Variants in NRXN1 observed in about 807,000 individuals in gnomAD.
NRXN1 encodes the protein neurexin-1.
In NRXN1, 39 loss-of-function variants were observed where a neutral mutation model predicts 150.9. That is an observed-to-expected ratio of 0.26 (90% confidence interval 0.20 to 0.34). The LOEUF (loss-of-function observed/expected upper bound fraction) is 0.34. NRXN1 is among the 10% of genes least tolerant of loss of function. The pLI, the probability that NRXN1 is intolerant of heterozygous loss-of-function variation, is 1.00. For missense variants in NRXN1, 1,815 were observed against 1,949.9 expected (o/e 0.93, Z 1.30); for synonymous variants, 924 against 757.0 (o/e 1.22, Z -3.62).
At chr2:50,401,244 A>C (rs2082371505) in intron 17 of NRXN1, among the ~76,000 whole-genome samples, 1 of 152,168 alleles carries the variant, frequency 6.6e-6, no homozygotes, top group South Asian at 2.1e-4. Flanking sequence ...AATATTTTAA[A>C]ATCTATACCT....
At chr2:50,453,655 G>T (rs1295830194) in intron 17 of NRXN1, among the ~76,000 whole-genome samples, 1 of 152,066 alleles carries the variant, frequency 6.6e-6, no homozygotes, top group East Asian at 1.9e-4. Context: ...AATACGGAAA[G>T]AAAAATCACC....
At position 49,969,408 on chromosome 2, in the gene NRXN1, C is replaced by T. The variant is rs576975560; in HGVS notation, c.4129-25617G>A. On this transcript the variant is annotated intron_variant, in intron 21 of 22. Transcript: ENST00000401669. ...TACATGGAAAATTGAGAATTGACTC[C>T]CAAGGCTGTACATATGCAACTTCTA... 2.0e-5 allele frequency among the ~76,000 whole-genome samples: 3 copies of T among 151,856 alleles called. No homozygotes were observed. In the East Asian group the frequency reaches 5.8e-4, roughly 29 times the overall value.
intron 17 of NRXN1, among the ~76,000 whole-genome samples, chr2:50,239,708 A>G (rs1232119739): frequency 1.1e-5 from 1 of 93,822 alleles, no homozygotes; most frequent in African/African-American, 4.3e-5. Flanking sequence ...ATATATATAT[A>G]TATATATTTA....
At chr2:50,704,842 A>G (rs1282322602) in intron 5 of NRXN1, among the ~76,000 whole-genome samples, 6 of 151,912 alleles carry the variant, frequency 3.9e-5, no homozygotes, top group Admixed American at 6.6e-5. Flanking sequence ...AATAATATAT[A>G]ATATTACAAT....
At chr2:50,913,391 T>C (rs1005664151) in intron 5 of NRXN1, among the ~76,000 whole-genome samples, 1 of 151,726 alleles carries the variant, frequency 6.6e-6, no homozygotes, top group African/African-American at 2.4e-5. Context: ...TTTAATTTTC[T>C]CCAAATGTCT....
chr2:50,793,787 G>C (rs1706404703), intron 5 of NRXN1, among the ~76,000 whole-genome samples: 1 of 152,008 alleles, frequency 6.6e-6, no homozygotes, highest in African/African-American at 2.4e-5. Context: ...TGCAAAAAGA[G>C]CCTGGAACCC....
intron 17 of NRXN1, among the ~76,000 whole-genome samples, chr2:50,323,443 T>C (rs756248106): frequency 1.3e-5 from 2 of 152,138 alleles, no homozygotes; most frequent in South Asian, 4.1e-4. Flanking sequence ...AGAGCAGATA[T>C]GGTGCCTAGC....
intron 17 of NRXN1, among the ~76,000 whole-genome samples, chr2:50,312,244 T>C (rs946246099): frequency 1.3e-5 from 2 of 152,154 alleles, no homozygotes; most frequent in African/African-American, 4.8e-5. Context: ...TGGATATGCA[T>C]AGATTCAGGA....
At chr2:50,998,358 T>A (rs1269128798) in intron 2 of NRXN1, among the ~76,000 whole-genome samples, 2 of 150,730 alleles carry the variant, frequency 1.3e-5, no homozygotes, top group African/African-American at 5.0e-5. Flanking sequence ...TATAGGGTAT[T>A]GAAATACAGA....
At chr2:49,925,760 CTT>C (rs1669005762) in intron 22 of NRXN1, among the ~76,000 whole-genome samples, 1 of 150,978 alleles carries the variant, frequency 6.6e-6, no homozygotes. Flanking sequence ...TACTTTCATC[CTT>C]TTCTTTCTTT....
intron 8 of NRXN1, among the ~76,000 whole-genome samples, chr2:50,581,891 C>T (rs865799761): frequency 9.2e-5 from 14 of 151,952 alleles, no homozygotes; most frequent in East Asian, 3.9e-4. Flanking sequence ...AAACTAGGTG[C>T]GCTTGGAACC....
At chr2:50,721,810 C>T (rs1042724766) in intron 5 of NRXN1, among the ~76,000 whole-genome samples, 9 of 151,864 alleles carry the variant, frequency 5.9e-5, no homozygotes, top group African/African-American at 2.2e-4. Flanking sequence ...TCATATTTTA[C>T]AGGTAGAGAA....
intron 17 of NRXN1, among the ~76,000 whole-genome samples, chr2:50,419,406 G>A (rs1471444875): frequency 6.6e-6 from 1 of 152,002 alleles, no homozygotes; most frequent in Non-Finnish European, 1.5e-5. Flanking sequence ...ACCCTGACCT[G>A]CAATCTCATT....
chr2:50,037,630 A>T (rs1470109675), intron 21 of NRXN1, among the ~76,000 whole-genome samples: 1 of 152,214 alleles, frequency 6.6e-6, no homozygotes, highest in African/African-American at 2.4e-5. Flanking sequence ...ACTTCCAACC[A>T]TCAGAAGTGA....
At position 50,199,612 on chromosome 2, in the gene NRXN1, T is replaced by C. The variant is rs189746998; in HGVS notation, c.3546+37177A>G. On this transcript the variant is annotated intron_variant, in intron 18 of 22. Coordinates refer to ENST00000401669, the MANE Select transcript of NRXN1 (RefSeq NM_001330078.2). The stretch of plus-strand genomic sequence containing the variant: ...AGTCAGTAATGAGTATATTAGTGTC[T>C]CTATTTAAGTTTTCTGGTGGAAACC... Among the ~76,000 whole-genome samples the C allele has an allele frequency of 5.3e-5, 8 of 152,134 alleles. No homozygotes were observed. In the East Asian group the frequency reaches 1.6e-3, roughly 29 times the overall value.
intron 18 of NRXN1, among the ~76,000 whole-genome samples, chr2:50,198,654 G>A (rs1430301630): frequency 6.6e-6 from 1 of 152,050 alleles, no homozygotes; most frequent in African/African-American, 2.4e-5. Flanking sequence ...GACAACCGAA[G>A]ACACCAAAGA....
intron 18 of NRXN1, among the ~76,000 whole-genome samples, chr2:50,187,159 C>T (rs4971656): frequency 0.21 from 32,268 of 151,828 alleles, 3,999 homozygotes; most frequent in East Asian, 0.4. Flanking sequence ...AACTGTATAG[C>T]ATAAAGGAGT....
In NRXN1 at chr2:50,502,514, C is replaced by G. The variant is rs558626458; in HGVS notation, c.2497+3981G>C. On this transcript the variant is annotated intron_variant, in intron 13 of 22. Coordinates refer to ENST00000401669, the MANE Select transcript of NRXN1 (RefSeq NM_001330078.2). ...CACACACACGAGTCATGGTTAACCC[C>G]TGCTTCAAATCCTCCTTAGCTCTGA... 6.6e-5 allele frequency among the ~76,000 whole-genome samples: 10 copies of G among 152,124 alleles called. No individual in the cohort carries two copies. In the East Asian group the frequency reaches 1.9e-3, roughly 29 times the overall value.
intron 2 of NRXN1, among the ~76,000 whole-genome samples, chr2:50,927,401 C>T (rs1687067621): frequency 6.6e-6 from 1 of 151,782 alleles, no homozygotes; most frequent in African/African-American, 2.4e-5. Context: ...CTTGGTTTTC[C>T]AGAGTTTATT....
Sources: gnomAD v4.1 joint callset for allele counts (sites outside exome capture counted in the v4.1 genomes callset) on GRCh38, gnomAD v4.1.1 for gene constraint, MANE v1.5 for transcripts, NCBI Gene and HGNC (gene_info 2026-07-23, HGNC 2026-07-21) for gene names.